Variants in DNAH9 observed in about 807,000 individuals in gnomAD.
The protein encoded by DNAH9 is DNAH9 variant protein.
In DNAH9, 345 loss-of-function variants were observed where a neutral mutation model predicts 471.6. That is an observed-to-expected ratio of 0.73 (90% CI 0.67 to 0.80). The LOEUF (loss-of-function observed/expected upper bound fraction) is 0.80. Ranked by LOEUF, DNAH9 falls within the 30% of genes least tolerant of loss-of-function variation. The probability of loss-of-function intolerance (pLI) is 0.00; values close to 1 mark genes in which losing one functional copy is unlikely to be tolerated. For missense variants in DNAH9, 5,407 were observed against 5,609.2 expected (o/e 0.96, Z 1.15); for synonymous variants, 2,093 against 2,123.6 (o/e 0.99, Z 0.40).
intron 43 of DNAH9, among the ~76,000 whole-genome samples, chr17:11,805,735 T>C (rs1969651191): frequency 6.6e-6 from 1 of 151,874 alleles, no homozygotes; most frequent in African/African-American, 2.4e-5. Flanking sequence ...TGTGTTTTTG[T>C]GGACACAGGG....
At chr17:11,688,696 C>CT (rs2074281883) in intron 19 of DNAH9, among the ~76,000 whole-genome samples, 1 of 152,152 alleles carries the variant, frequency 6.6e-6, no homozygotes, top group African/African-American at 2.4e-5. Flanking sequence ...TCTTACAAAG[C>CT]TTTCAGAAGA....
At chr17:11,949,206 C>A (rs1211103211) in intron 67 of DNAH9, among the ~76,000 whole-genome samples, 2 of 152,144 alleles carry the variant, frequency 1.3e-5, no homozygotes, top group African/African-American at 4.8e-5. Context: ...AAGGTCACAG[C>A]CAGATAGCCC....
chr17:11,728,322 A>G (rs573923206), intron 28 of DNAH9, among the ~76,000 whole-genome samples: 1 of 152,310 alleles, frequency 6.6e-6, no homozygotes, highest in South Asian at 2.1e-4. Context: ...TGGGAAAGTT[A>G]TTCCACCACG....
At position 11,783,653 on chromosome 17, in the gene DNAH9, C is replaced by T. The variant is rs773865030; in HGVS notation, c.7726C>T (p.Arg2576Trp). ...AGCTTCTGACTGTTCCAGGTATGAT[C>T]GGAGCAAGCTGTCCCTAAAGGAGAT... Reference protein sequence around the residue: ...QHLDYGHWYDRSKLSLKEITN... With the variant: ...QHLDYGHWYDWSKLSLKEITN... Residue 2576 changes from arginine to tryptophan, a missense_variant, in exon 40 of 69, where the codon CGG becomes TGG. Around this residue, in one of 3 missense-constraint regions of DNAH9, gnomAD observed 4,636 missense variants for 4,900.3 expected, o/e 0.95. Transcript: ENST00000262442. 34 of 1,613,564 alleles carry T rather than the reference C, an allele frequency of 2.1e-5. No individual in the cohort carries two copies. Among genetic ancestry groups the T allele is most frequent in the East Asian group, 4.5e-5 (2 of 44,858 alleles).
intron 11 of DNAH9, among the ~76,000 whole-genome samples, chr17:11,645,879 C>CTTTTTTTTTTT (rs760279719): frequency 2.5e-4 from 18 of 70,620 alleles, no homozygotes; most frequent in African/African-American, 6.3e-4. Flanking sequence ...TTTTCTTTTT[C>CTTTTTTTTTTT]TTTTTTTTTT....
At position 11,962,576 on chromosome 17, in the gene DNAH9, G is replaced by C. The variant is rs1265886704; in HGVS notation, c.13233+320G>C. On this transcript the variant is annotated intron_variant, in intron 68 of 68. Transcript: ENST00000262442. This position sits in a 1 kb window ranked among gnomAD's most constrained non-coding sequence, Gnocchi z 4.1. ...TTTCCAGACCTCACCTGTTAGATGG[G>C]AGAAGAGCGTCATTGTAAAAGTTAA... is the stretch of plus-strand genomic sequence containing the variant. Among the ~76,000 whole-genome samples, 2 of 152,180 alleles carry C rather than the reference G, an allele frequency of 1.3e-5. No homozygotes were observed. Among genetic ancestry groups the C allele is most frequent in the Non-Finnish European group, 2.9e-5 (2 of 68,036 alleles).
chr17:11,756,535 C>T, intron 33 of DNAH9, 33 bp from the exon 34 acceptor site: 1 of 1,292,634 alleles, frequency 7.7e-7, no homozygotes, highest in Non-Finnish European at 1.1e-6. Flanking sequence ...CTCCCTCCTT[C>T]CTCACTGGCA....
intron 12 of DNAH9, among the ~76,000 whole-genome samples, chr17:11,650,738 G>T (rs1386057861): frequency 6.6e-6 from 1 of 152,142 alleles, no homozygotes; most frequent in Non-Finnish European, 1.5e-5. Flanking sequence ...AACTGGCTGG[G>T]CCCCTATGAG....
At chr17:11,935,360 AAC>A (rs1450314470) in intron 65 of DNAH9, among the ~76,000 whole-genome samples, 1 of 146,186 alleles carries the variant, frequency 6.8e-6, no homozygotes, top group Non-Finnish European at 1.5e-5. Context: ...TTCCATGGAA[AAC>A]ATTCCAAAAG....
At chr17:11,726,391 T>C (rs1429061955) in intron 27 of DNAH9, among the ~76,000 whole-genome samples, 1 of 152,188 alleles carries the variant, frequency 6.6e-6, no homozygotes, top group African/African-American at 2.4e-5. Context: ...TAAACGCTAA[T>C]ACAAATTGTA....
intron 61 of DNAH9, among the ~76,000 whole-genome samples, chr17:11,907,395 A>G (rs995202349): frequency 1.3e-5 from 2 of 151,696 alleles, no homozygotes; most frequent in Non-Finnish European, 2.9e-5. Flanking sequence ...GCTTGAACCC[A>G]GGAGTCAGAG....
chr17:11,693,900 C>A lies in DNAH9; in HGVS notation c.4647C>A (p.Asp1549Glu), dbSNP rs2074382347. The A allele has an allele frequency of 1.2e-6, 2 of 1,613,992 alleles. No homozygotes were observed. The highest frequency in any genetic ancestry group is 2.7e-5 in the African/African-American group (2 of 74,928). ...DSKRFEGIDIDFKELAYDAQK... is the reference protein window; with the variant it reads ...DSKRFEGIDIEFKELAYDAQK... Reference sequence around the variant, plus strand: ...AAAGGTTTGAAGGCATCGACATTGACTTTAAAGAGCTAGCTTATGATGCCC... The same window carrying A: ...AAAGGTTTGAAGGCATCGACATTGAATTTAAAGAGCTAGCTTATGATGCCC... The change falls in exon 21 of 69, where the codon GAC becomes GAA. Residue 1549 changes from aspartate to glutamate, a missense_variant. By Grantham distance (45) the Asp-to-Glu change is conservative (BLOSUM62 2). Coordinates refer to ENST00000262442, the MANE Select transcript of DNAH9 (RefSeq NM_001372.4).
rs56124130 is a variant in DNAH9, at chr17:11,689,366, GTT to G, written c.3744-188_3744-187del. ...CTCCACCCCAGTCTGTCCTGAGTGTGTTTTTTTTTTTTTCCCAAAAGAAAATC... is the reference window on the plus strand; with the variant it reads ...CTCCACCCCAGTCTGTCCTGAGTGTGTTTTTTTTTTTCCCAAAAGAAAATC... On this transcript the variant is annotated intron_variant, in intron 19 of 68. Coordinates refer to ENST00000262442, the MANE Select transcript of DNAH9 (RefSeq NM_001372.4). 1.5e-3 allele frequency among the ~76,000 whole-genome samples: 216 copies of G among 146,304 alleles called. 1 individual carries two copies. Among genetic ancestry groups the G allele is most frequent in the East Asian group, 4.6e-3 (23 of 4,976 alleles).
At chr17:11,745,129 T>C (rs750142939) in intron 31 of DNAH9, 45 bp downstream of exon 31, 3 of 1,488,212 alleles carry the variant, frequency 2.0e-6, no homozygotes, top group African/African-American at 2.8e-5. Context: ...CTCTTACTTA[T>C]TGTCCAGGAT....
At chr17:11,671,260 G>T (rs1435820013) in intron 17 of DNAH9, among the ~76,000 whole-genome samples, 1 of 152,226 alleles carries the variant, frequency 6.6e-6, no homozygotes, top group Non-Finnish European at 1.5e-5. Flanking sequence ...CAGAGCAGCA[G>T]ATGACTCCCA....
intron 26 of DNAH9, among the ~76,000 whole-genome samples, chr17:11,712,955 G>A (rs368052464): frequency 3.3e-4 from 50 of 151,854 alleles, no homozygotes; most frequent in African/African-American, 1.1e-3. Flanking sequence ...TGTTACAGAG[G>A]TAAACTCATG....
chr17:11,906,868 G>A (rs146434418), intron 61 of DNAH9, among the ~76,000 whole-genome samples: 69 of 152,132 alleles, frequency 4.5e-4, no homozygotes, highest in African/African-American at 1.5e-3. Flanking sequence ...GCCTATTGAG[G>A]GGGTGGCAGA....
At chr17:11,815,247 GA>G (rs1464036376) in intron 45 of DNAH9, among the ~76,000 whole-genome samples, 1 of 151,110 alleles carries the variant, frequency 6.6e-6, no homozygotes. Context: ...TTACTCAAGA[GA>G]CTTTGTGTTC....
At chr17:11,727,148 C>T (rs2075168780) in intron 27 of DNAH9, among the ~76,000 whole-genome samples, 1 of 151,080 alleles carries the variant, frequency 6.6e-6, no homozygotes, top group Admixed American at 6.6e-5. Context: ...GTCTCCTTGC[C>T]AATGACCTTG....
Sources: gnomAD v4.1 joint callset for allele counts (sites outside exome capture counted in the v4.1 genomes callset) on GRCh38, gnomAD v4.1.1 for gene constraint, gnomAD v4.1.1 regional missense constraint, Gnocchi (gnomAD v3.1) non-coding constraint, MANE v1.5 for transcripts, NCBI Gene and HGNC (gene_info 2026-07-23, HGNC 2026-07-21) for gene names.